UBAP2L: variants seen among roughly 807,000 people sequenced by gnomAD.
UBAP2L encodes the protein ubiquitin-associated protein 2-like.
In UBAP2L, 12 loss-of-function variants were observed where a neutral mutation model predicts 130.6. The observed-to-expected ratio is 0.09, with a 90% CI of 0.06 to 0.15. UBAP2L has a LOEUF of 0.15. Among genes scored for constraint, UBAP2L ranks in the 10% least tolerant of loss-of-function variants. The pLI, the probability that UBAP2L is intolerant of heterozygous loss-of-function variation, is 1.00. For synonymous variants in UBAP2L, 503 were observed against 524.7 expected (o/e 0.96, Z 0.57); for missense variants, 965 against 1,332.5 (o/e 0.72, Z 4.29).
At chr1:154,221,950 C>T (rs1413040427) in intron 1 of UBAP2L, among the ~76,000 whole-genome samples, 1 of 152,160 alleles carries the variant, frequency 6.6e-6, no homozygotes, top group Non-Finnish European at 1.5e-5. Context: ...TCTTCAAACC[C>T]TTAACCTTGT....
At position 154,253,921 on chromosome 1, in the gene UBAP2L, A is replaced by G; in HGVS notation, c.1686A>G (p.Ser562=). 1 of 1,614,084 alleles carries G rather than the reference A, an allele frequency of 6.2e-7. No individual in the cohort carries two copies. Among genetic ancestry groups the G allele is most frequent in the South Asian group, 1.1e-5 (1 of 91,082 alleles). The part of the protein sequence containing the change: ...STASESSSTI[S]SNQSQESGYQ... ...ACAGTGAATCATCCTCTACAATTTC[A>G]TCTAACCAGAGTCAGGAGTCTGGTT... Residue 562 remains serine, a synonymous_variant, in exon 15 of 27, where the codon TCA becomes TCG. Transcript: ENST00000428931.
At chr1:154,240,943 C>CCCG (rs1673368678) in intron 8 of UBAP2L, among the ~76,000 whole-genome samples, 1 of 116,936 alleles carries the variant, frequency 8.6e-6, no homozygotes, top group Admixed American at 1.1e-4. Flanking sequence ...TGTCCCCCCC[C>CCCG]CCACCCCCAT....
chr1:154,240,053 T>C (rs1431583106), intron 8 of UBAP2L, among the ~76,000 whole-genome samples: 1 of 152,230 alleles, frequency 6.6e-6, no homozygotes, highest in Non-Finnish European at 1.5e-5. Flanking sequence ...ATTAGAATAC[T>C]TCTAATGTGG....
At chr1:154,267,071 T>C in intron 25 of UBAP2L, among the ~76,000 whole-genome samples, 1 of 151,834 alleles carries the variant, frequency 6.6e-6, no homozygotes, top group South Asian at 2.1e-4. Context: ...ACTGGGGGTC[T>C]GGGGGGGCAC....
At chr1:154,251,937 G>T (rs1014508772) in intron 14 of UBAP2L, among the ~76,000 whole-genome samples, 3 of 152,076 alleles carry the variant, frequency 2.0e-5, no homozygotes, top group Non-Finnish European at 2.9e-5. Context: ...AGGAGTTCAA[G>T]ACCAGCCTGG....
intron 8 of UBAP2L, among the ~76,000 whole-genome samples, chr1:154,241,002 T>C (rs1009156381): frequency 1.4e-5 from 2 of 143,126 alleles, no homozygotes; most frequent in Non-Finnish European, 3.0e-5. Context: ...CATAATCTTA[T>C]TAAAACCCTG....
chr1:154,259,947 G>A lies in UBAP2L; in HGVS notation c.2497-1G>A. The A allele has an allele frequency of 6.2e-7, 1 of 1,613,944 alleles. No homozygotes were observed. The highest frequency in any genetic ancestry group is 1.3e-5 in the African/African-American group (1 of 75,002). ...CTGCTCTTTTTTCCCCTCTTTTCTA[G>A]GATTACTACAGCATCCCATTTCCCA... On this transcript the variant is annotated splice_acceptor_variant, in intron 21 of 26. Transcript: ENST00000428931. LOFTEE classifies it high-confidence loss of function.
chr1:154,250,917 G>A, intron 12 of UBAP2L, 124 bp from the exon 13 acceptor site: 1 of 833,504 alleles, frequency 1.2e-6, no homozygotes, highest in East Asian at 2.8e-5. Flanking sequence ...AGCCCCAAAA[G>A]AGGGCCTGCT....
intron 6 of UBAP2L, among the ~76,000 whole-genome samples, chr1:154,236,046 A>G (rs972494475): frequency 1.3e-5 from 2 of 152,140 alleles, no homozygotes; most frequent in African/African-American, 4.8e-5. Flanking sequence ...CTAGTATTGT[A>G]TTTGCTTGAG....
At chr1:154,259,850 A>C (rs1216306345) in intron 21 of UBAP2L, 98 bp from the exon 22 acceptor site, 2 of 1,281,750 alleles carry the variant, frequency 1.6e-6, no homozygotes, top group Non-Finnish European at 2.3e-6. Context: ...TAAATTGCAC[A>C]ACTCTCACAT....
intron 22 of UBAP2L, 77 bp from the exon 23 acceptor site, chr1:154,260,815 A>C: frequency 2.2e-6 from 3 of 1,378,352 alleles, no homozygotes; most frequent in Non-Finnish European, 3.1e-6. Flanking sequence ...TCCTGGAATC[A>C]TGTGAAATCA....
At chr1:154,223,973 A>G (rs1272058053) in intron 1 of UBAP2L, among the ~76,000 whole-genome samples, 1 of 152,224 alleles carries the variant, frequency 6.6e-6, no homozygotes, top group African/African-American at 2.4e-5. Flanking sequence ...AAGGGAATAA[A>G]TGCAGAGTAA....
downstream of UBAP2L, chr1:154,270,954 C>T (rs1478227839): frequency 5.2e-6 from 8 of 1,547,774 alleles, no homozygotes; most frequent in Middle Eastern, 1.7e-4. Flanking sequence ...CTCTAGCAGG[C>T]CCCTGAAGGC....
chr1:154,247,040 G>A lies in UBAP2L; in HGVS notation c.1014+665G>A, dbSNP rs544700786. Among the ~76,000 whole-genome samples, 7 of 152,302 alleles carry A rather than the reference G, an allele frequency of 4.6e-5. 1 individual carries two copies. In the Middle Eastern group the frequency reaches 0.02, roughly 444 times the overall value. On this transcript the variant is annotated intron_variant, in intron 11 of 26. Transcript: ENST00000428931. ...AAAGGAATCATTTAAACTAAACAAAGATGCTACAAGTACCAGTTTTCTCAT... is the reference window on the plus strand; with the variant it reads ...AAAGGAATCATTTAAACTAAACAAAAATGCTACAAGTACCAGTTTTCTCAT...
At chr1:154,236,354 A>G (rs1029140721) in intron 6 of UBAP2L, among the ~76,000 whole-genome samples, 2 of 152,084 alleles carry the variant, frequency 1.3e-5, no homozygotes, top group African/African-American at 4.8e-5. Context: ...GTGTGCCACC[A>G]CACTCAGCAA....
rs1668799809 is a variant in UBAP2L, at chr1:154,228,737, A to G, written c.279+12A>G. ...GAAACCCAGACACGGTAGAGTGCTT[A>G]TAGAGTGTTCTAGGACATGGGTCCT... On this transcript the variant is annotated intron_variant, in intron 4 of 26. Coordinates refer to ENST00000428931, the MANE Select transcript of UBAP2L (RefSeq NM_014847.4). 6.3e-7 allele frequency: 1 copy of G among 1,599,166 alleles called. No homozygotes were observed. The highest frequency in any genetic ancestry group is 1.1e-5 in the South Asian group (1 of 90,714).
chr1:154,245,089 G>A (rs1268466428), intron 10 of UBAP2L, among the ~76,000 whole-genome samples: 3 of 152,096 alleles, frequency 2.0e-5, no homozygotes, highest in African/African-American at 2.4e-5. Flanking sequence ...CCGCCACCAC[G>A]CCAGGCTAAG....
intron 3 of UBAP2L, among the ~76,000 whole-genome samples, chr1:154,228,092 A>G (rs917556544): frequency 2.0e-5 from 3 of 152,126 alleles, no homozygotes; most frequent in African/African-American, 7.2e-5. Context: ...ATAGAATACC[A>G]AAATTCTACA....
rs1191659822 is a variant in UBAP2L at position 154,253,892 on chromosome 1, A to G, written c.1665-8A>G. The G allele has an allele frequency of 6.2e-7, 1 of 1,613,292 alleles. No individual in the cohort carries two copies. Among genetic ancestry groups the G allele is most frequent in the Non-Finnish European group, 8.5e-7 (1 of 1,179,806 alleles). Reference sequence around the variant, plus strand: ...TTTCTCTGAGATTTTTCTCTTCGTTACTCACAGTGAATCATCCTCTACAAT... The same window carrying G: ...TTTCTCTGAGATTTTTCTCTTCGTTGCTCACAGTGAATCATCCTCTACAAT... On this transcript the variant is annotated splice_polypyrimidine_tract_variant and splice_region_variant and intron_variant, in intron 14 of 26. Coordinates refer to ENST00000428931, the MANE Select transcript of UBAP2L (RefSeq NM_014847.4).
Sources: allele counts gnomAD v4.1 joint callset (sites outside exome capture counted in the v4.1 genomes callset), GRCh38; gene constraint gnomAD v4.1.1; transcripts MANE v1.5; gene names NCBI Gene and HGNC (gene_info 2026-07-23, HGNC 2026-07-21).